The following COL9A1 variants were observed in gnomAD, a reference collection of about 807,000 sequenced individuals.
The protein encoded by COL9A1 is collagen type IX alpha 1 chain.
COL9A1 carries 104 observed loss-of-function variants against 142.6 expected under a neutral mutation model. The observed-to-expected ratio is 0.73, with a 90% CI of 0.62 to 0.86. COL9A1 has a LOEUF of 0.86. Among genes scored for constraint, COL9A1 ranks in the 40% least tolerant of loss-of-function variants. The pLI, the probability that COL9A1 is intolerant of heterozygous loss-of-function variation, is 0.00. For synonymous variants in COL9A1, 466 were observed against 396.0 expected, an observed-to-expected ratio of 1.18 and a Z score of -2.10; for missense variants, 1,210 against 1,176.6, an observed-to-expected ratio of 1.03 and a Z score of -0.42.
intron 4 of COL9A1, among the ~76,000 whole-genome samples, chr6:70,298,295 T>C (rs1429604799): frequency 6.6e-5 from 10 of 152,196 alleles, no homozygotes; most frequent in Admixed American, 5.2e-4. Flanking sequence ...CATAGCAACC[T>C]CATGACAGAG....
At chr6:70,284,488 T>C (rs1026041144) in intron 5 of COL9A1, among the ~76,000 whole-genome samples, 2 of 152,200 alleles carry the variant, frequency 1.3e-5, no homozygotes, top group African/African-American at 4.8e-5. Flanking sequence ...TATTCATTGG[T>C]TGAAAAGATG....
chr6:70,281,966 G>A (rs1773193860), intron 7 of COL9A1, among the ~76,000 whole-genome samples: 1 of 152,124 alleles, frequency 6.6e-6, no homozygotes, highest in African/African-American at 2.4e-5. Flanking sequence ...GAGGAGTAGG[G>A]CAGGGCAGCC....
chr6:70,269,070 G>A (rs1470071514), intron 16 of COL9A1, among the ~76,000 whole-genome samples: 1 of 152,102 alleles, frequency 6.6e-6, no homozygotes, highest in Non-Finnish European at 1.5e-5. Context: ...ACAGAAAAGT[G>A]TAGAGAATAT....
rs1339908326 is a variant in COL9A1, at chr6:70,300,081, G to A, written c.261C>T (p.Tyr87=). The change falls in exon 4 of 38, where the codon TAC becomes TAT. Residue 87 remains tyrosine, a synonymous_variant. Coordinates refer to ENST00000357250, the MANE Select transcript of COL9A1 (RefSeq NM_001851.6). ...VVGSATLQVA[Y]KLGNNVDFRI... is the part of the protein sequence containing the mutation. The stretch of plus-strand genomic sequence containing the variant: ...TGAAGTCTACATTATTTCCCAACTT[G>A]TAAGCCACCTGCAATGTAGCTGATC... The A allele has an allele frequency of 6.2e-7, 1 of 1,613,876 alleles. No homozygotes were observed. Among genetic ancestry groups the A allele is most frequent in the East Asian group, 2.2e-5 (1 of 44,854 alleles).
At chr6:70,215,268 A>G (rs2127542834), downstream of COL9A1, 1 of 152,352 alleles carries the variant, frequency 6.6e-6, no homozygotes, top group Middle Eastern at 3.4e-3. Context: ...TCATGCTAGA[A>G]GCATAAAACT....
chr6:70,225,279 G>A (rs1156570227), intron 37 of COL9A1, among the ~76,000 whole-genome samples: 1 of 152,152 alleles, frequency 6.6e-6, no homozygotes, highest in East Asian at 1.9e-4. Context: ...GGATAAGTGT[G>A]TTCCAGCCTG....
chr6:70,239,412 CA>C, intron 32 of COL9A1, 126 bp from the exon 33 acceptor site: 12 of 673,592 alleles, frequency 1.8e-5, no homozygotes, highest in East Asian at 2.7e-5. Context: ...TCCGGCACTG[CA>C]AAAAAATATT....
At chr6:70,245,960 C>T (rs1583247997) in intron 28 of COL9A1, 1 of 151,922 alleles carries the variant, frequency 6.6e-6, no homozygotes, top group East Asian at 1.9e-4. Context: ...ATCCCAAAAA[C>T]CAAAAATAAT....
intron 6 of COL9A1, among the ~76,000 whole-genome samples, chr6:70,283,509 CGCAGGTGGTTTCTACCTGCCAGGCT>C: frequency 6.6e-6 from 1 of 152,306 alleles, no homozygotes; most frequent in South Asian, 2.1e-4. Context: ...ACCACACACC[CGCAGGTGGTTTCTACCTGCCAGGCT>C]GCAGGTGGTT....
At position 70,283,198 on chromosome 6, in the gene COL9A1, G is replaced by C; in HGVS notation, c.781-280C>G. ...AGCGGTTGCCAAAGCGTCCAGGCCC[G>C]GGAGGCGCGCGTTCCCCCTGTTTAT... On this transcript the variant is annotated intron_variant, in intron 6 of 37. Transcript: ENST00000357250. 1.4e-6 allele frequency: 2 copies of C among 1,471,104 alleles called. 1 individual carries two copies. The highest frequency in any genetic ancestry group is 2.8e-5 in the South Asian group (2 of 72,234). 91.1% of individuals were successfully genotyped at this position (1,471,104 alleles called of 1,614,324 possible). A position where few individuals can be genotyped will look rare whatever the true frequency, so the allele number is the denominator to read the frequency against.
chr6:70,246,418 C>A (rs901907234), intron 28 of COL9A1: 2 of 152,204 alleles, frequency 1.3e-5, no homozygotes, highest in African/African-American at 4.8e-5. Flanking sequence ...CCAATCAGGG[C>A]TTTGAAAAAG....
chr6:70,234,614 A>G (rs1373723262), intron 34 of COL9A1, 21 bp from the exon 35 acceptor site: 2 of 1,614,042 alleles, frequency 1.2e-6, no homozygotes, highest in Non-Finnish European at 1.7e-6. Context: ...AAAGAAAAAA[A>G]GGCAGTTTAT....
intron 30 of COL9A1, 79 bp downstream of exon 30, chr6:70,241,885 C>T: frequency 7.6e-7 from 1 of 1,316,750 alleles, no homozygotes. Flanking sequence ...TCCACAGGGC[C>T]AAAAGCAAGC....
rs1771212255 is a variant in COL9A1, at chr6:70,255,342, C to A, written c.1552G>T (p.Asp518Tyr). ...GPPGEAGPKG[D>Y]RGAEGARGIP... ...GTGACTGAATTTAAACTCACTCTAT[C>A]TCCTTTGGGACCTGCTTCTCCTGGA... Residue 518 changes from aspartate (D) to tyrosine (Y), a missense_variant, in exon 22 of 38, where the codon GAT becomes TAT. By Grantham distance (160) the Asp-to-Tyr change is radical (BLOSUM62 -3). Transcript: ENST00000357250. The A allele has an allele frequency of 1.2e-6, 2 of 1,614,050 alleles. No individual in the cohort carries two copies. Among genetic ancestry groups the A allele is most frequent in the East Asian group, 4.5e-5 (2 of 44,898 alleles).
chr6:70,222,658 A>C (rs1035504290), intron 37 of COL9A1: 1 of 152,232 alleles, frequency 6.6e-6, no homozygotes, highest in Non-Finnish European at 1.5e-5. Context: ...CAGGAACTCT[A>C]ACAACCGATA....
intron 1 of COL9A1, among the ~76,000 whole-genome samples, 178 bp downstream of exon 1, chr6:70,302,733 C>A (rs749654985): frequency 5.3e-5 from 8 of 151,884 alleles, no homozygotes; most frequent in Admixed American, 1.3e-4. Flanking sequence ...TTTTTTGTGT[C>A]TGTCTTCGGT....
intron 28 of COL9A1, among the ~76,000 whole-genome samples, chr6:70,244,638 C>A (rs967024542): frequency 6.6e-6 from 1 of 152,056 alleles, no homozygotes; most frequent in East Asian, 1.9e-4. Flanking sequence ...AATAAATGAA[C>A]CATTATGCTA....
chr6:70,300,571 G>A (rs370516638), intron 2 of COL9A1, among the ~76,000 whole-genome samples, 185 bp from the exon 3 acceptor site: 4 of 151,936 alleles, frequency 2.6e-5, no homozygotes, highest in African/African-American at 9.7e-5. Context: ...TATTATACCA[G>A]CTTGCTTAGA....
At chr6:70,271,542 T>C in intron 14 of COL9A1, 113 bp downstream of exon 14, 1 of 819,442 alleles carries the variant, frequency 1.2e-6, no homozygotes, top group Non-Finnish European at 2.1e-6. Context: ...ATGAAATTCA[T>C]CTGCCATGTT....
Sources: gnomAD v4.1 joint callset for allele counts (sites outside exome capture counted in the v4.1 genomes callset) on GRCh38, gnomAD v4.1.1 for gene constraint, MANE v1.5 for transcripts, NCBI Gene and HGNC (gene_info 2026-07-23, HGNC 2026-07-21) for gene names.